Variants in EPB41L3 observed in about 807,000 individuals in gnomAD.
The protein encoded by EPB41L3 is band 4.1-like protein 3.
EPB41L3 carries 57 observed loss-of-function variants against 127.1 expected under a neutral mutation model. The ratio of observed to expected loss-of-function variants is 0.45; its 90% confidence interval spans 0.36 to 0.56. The LOEUF is 0.56. Among genes scored for constraint, EPB41L3 ranks in the 20% least tolerant of loss-of-function variants. EPB41L3 has a pLI of 0.00. For synonymous variants in EPB41L3, 572 were observed against 549.5 expected (o/e 1.04, Z -0.57); for missense variants, 1,273 against 1,372.2 (o/e 0.93, Z 1.14).
chr18:5,538,136 C>A (rs577972673), intron 1 of EPB41L3, among the ~76,000 whole-genome samples: 5 of 152,156 alleles, frequency 3.3e-5, no homozygotes. Flanking sequence ...AGTTATTCAA[C>A]GCATAAAGAA....
intron 3 of EPB41L3, among the ~76,000 whole-genome samples, chr18:5,566,118 A>G (rs1375887692): frequency 1.3e-5 from 2 of 152,308 alleles, no homozygotes; most frequent in Non-Finnish European, 2.9e-5. Context: ...TGGCCAGGAC[A>G]ATCAGGCAGG....
chr18:5,400,883 G>C, intron 16 of EPB41L3: 3 of 816,966 alleles, frequency 3.7e-6, no homozygotes, highest in Non-Finnish European at 5.8e-6. Flanking sequence ...AAATGTTAAA[G>C]GGAAAATAAA....
Position 5,543,616 on chromosome 18 carries a change from G to A in EPB41L3, c.-12+297C>T, listed in dbSNP as rs1233540288. On this transcript the variant is annotated intron_variant, in intron 1 of 22. Coordinates refer to ENST00000341928, the MANE Select transcript of EPB41L3 (RefSeq NM_012307.5). The surrounding 1 kb of genome is among the most constrained non-coding windows in gnomAD (Gnocchi z 5.2). ...ATCCCAGGGAGGCCCCCAGGCCGGA[G>A]GCCGGGGCTCAGGCTCTGCGCGCCG... 2.0e-5 allele frequency among the ~76,000 whole-genome samples: 3 copies of A among 147,296 alleles called. No homozygotes were observed. The highest frequency in any genetic ancestry group is 4.5e-5 in the Non-Finnish European group (3 of 66,112).
intron 3 of EPB41L3, chr18:5,577,349 C>T: frequency 2.2e-6 from 1 of 454,096 alleles, no homozygotes; most frequent in Non-Finnish European, 4.4e-6. Context: ...CTAAGAGAGA[C>T]TTTGAGCACA....
At chr18:5,567,577 G>C (rs2094223180) in intron 3 of EPB41L3, among the ~76,000 whole-genome samples, 1 of 151,406 alleles carries the variant, frequency 6.6e-6, no homozygotes, top group Admixed American at 6.6e-5. Flanking sequence ...GTGAGAAAGA[G>C]AAAGAGAAAA....
Position 5,478,356 on chromosome 18 carries a change from T to C in EPB41L3, c.266A>G (p.Gln89Arg). 6.2e-7 allele frequency: 1 copy of C among 1,614,202 alleles called. No homozygotes were observed. Among genetic ancestry groups the C allele is most frequent in the Non-Finnish European group, 8.5e-7 (1 of 1,180,016 alleles). The change falls in exon 3 of 23, where the codon CAG (glutamine) becomes CGG (arginine). Residue 89 changes from glutamine (Q) to arginine (R), a missense_variant. Physicochemically the swap from Gln to Arg is conservative, Grantham distance 43. Coordinates refer to ENST00000341928, the MANE Select transcript of EPB41L3 (RefSeq NM_012307.5). ...AGAGAGTTTACTGCTAGATGATTTC[T>C]GAGAAAGTTTATCGTCTTCTAATTG... ...YQQLEDDKLS[Q>R]KSSSSKLSRS...
chr18:5,497,749 A>G (rs545863106), intron 1 of EPB41L3, among the ~76,000 whole-genome samples: 3 of 152,204 alleles, frequency 2.0e-5, no homozygotes, highest in African/African-American at 7.2e-5. Flanking sequence ...TTTATAATGG[A>G]TATATTCCTG....
intron 1 of EPB41L3, among the ~76,000 whole-genome samples, chr18:5,616,488 C>T (rs1285278305): frequency 2.0e-5 from 3 of 152,010 alleles, no homozygotes; most frequent in Non-Finnish European, 1.5e-5. Flanking sequence ...CATATGCATA[C>T]ATATTATATA....
Position 5,560,987 on chromosome 18 carries a change from A to G in EPB41L3, c.-306+51353T>C, listed in dbSNP as rs868849817. ...TATTTATTTATTTATTTATTTATTT[A>G]TTTATTTTGAGATGGAGTCTCGCTC... On this transcript the variant is annotated intron_variant, in intron 3 of 21. Transcript: ENST00000545076. Among the ~76,000 whole-genome samples the G allele has an allele frequency of 6.6e-5, 7 of 105,612 alleles. 2 individuals are homozygous for G. The highest frequency in any genetic ancestry group is 1.1e-4 in the Non-Finnish European group (5 of 45,514). 69.3% of individuals were successfully genotyped at this position (105,612 alleles called of 152,430 possible). A position where few individuals can be genotyped will look rare whatever the true frequency, so the allele number is the denominator to read the frequency against.
At chr18:5,469,271 G>A (rs779574019) in intron 3 of EPB41L3, among the ~76,000 whole-genome samples, 10 of 152,198 alleles carry the variant, frequency 6.6e-5, no homozygotes, top group Non-Finnish European at 1.3e-4. Flanking sequence ...ATCCTCTTTG[G>A]GGGGTCTGTG....
chr18:5,476,711 C>T (rs754218283), intron 3 of EPB41L3, among the ~76,000 whole-genome samples: 1 of 152,164 alleles, frequency 6.6e-6, no homozygotes, highest in Non-Finnish European at 1.5e-5. Flanking sequence ...TGCATCTACA[C>T]TGAAGAAATA....
chr18:5,499,639 C>T (rs1218995411), intron 1 of EPB41L3, among the ~76,000 whole-genome samples: 2 of 151,704 alleles, frequency 1.3e-5, no homozygotes, highest in Non-Finnish European at 2.9e-5. Flanking sequence ...TGGTGGCGGG[C>T]GCCTGTAGTC....
At chr18:5,579,394 G>A (rs1599087449) in intron 3 of EPB41L3, among the ~76,000 whole-genome samples, 1 of 152,124 alleles carries the variant, frequency 6.6e-6, no homozygotes, top group Non-Finnish European at 1.5e-5. Context: ...TATTTAAGAT[G>A]TCTAATAGAT....
rs2073893921 is a variant in EPB41L3 at position 5,398,138 on chromosome 18, C to T, written c.2355G>A (p.Lys785=). ...MIEPLVPEET[K]QSSGEKLMDG... ...CCATGAGCTTTTCCCCAGAAGACTG[C>T]TTAGTCTGAGTGAACAAAGAGAGGC... Residue 785 remains lysine (K), a synonymous_variant, in exon 17 of 23, where the codon AAG becomes AAA. Coordinates refer to ENST00000341928, the MANE Select transcript of EPB41L3 (RefSeq NM_012307.5). The T allele has an allele frequency of 6.2e-7, 1 of 1,613,898 alleles. No individual in the cohort carries two copies. The highest frequency in any genetic ancestry group is 8.5e-7 in the Non-Finnish European group (1 of 1,180,016).
At chr18:5,498,594 C>CAAAA (rs397828412) in intron 1 of EPB41L3, among the ~76,000 whole-genome samples, 1 of 70,502 alleles carries the variant, frequency 1.4e-5, no homozygotes, top group Admixed American at 2.2e-4. Context: ...GACTCCATCT[C>CAAAA]AAAAAAAAAA....
Position 5,424,365 on chromosome 18 carries a change from T to TAA in EPB41L3, c.1066-8_1066-7dup. ...GTGCTTTCAAATTGTTCAAACTAAA[T>TAA]AAAAAAAAATACATTGAAGAGTAAA... On this transcript the variant is annotated splice_region_variant and splice_polypyrimidine_tract_variant and intron_variant, in intron 9 of 22. Coordinates refer to ENST00000341928, the MANE Select transcript of EPB41L3 (RefSeq NM_012307.5). The TAA allele has an allele frequency of 6.4e-7, 1 of 1,556,040 alleles. No individual in the cohort carries two copies. Among genetic ancestry groups the TAA allele is most frequent in the Non-Finnish European group, 8.7e-7 (1 of 1,150,388 alleles).
intron 3 of EPB41L3, among the ~76,000 whole-genome samples, chr18:5,561,284 A>T (rs1181578207): frequency 6.6e-6 from 1 of 152,120 alleles, no homozygotes; most frequent in African/African-American, 2.4e-5. Context: ...GCCAGTTGTA[A>T]TTAATTTTTT....
intron 22 of EPB41L3, 131 bp downstream of exon 22, chr18:5,394,546 T>C: frequency 1.5e-6 from 1 of 669,200 alleles, no homozygotes. Context: ...TTCTCCATCC[T>C]CTTGGTAACC....
chr18:5,538,024 A>C (rs1339402992), intron 1 of EPB41L3, among the ~76,000 whole-genome samples: 1 of 152,218 alleles, frequency 6.6e-6, no homozygotes, highest in African/African-American at 2.4e-5. Context: ...TGATTATAAG[A>C]GATAACATCA....
Sources: allele counts gnomAD v4.1 joint callset (sites outside exome capture counted in the v4.1 genomes callset), GRCh38; gene constraint gnomAD v4.1.1; non-coding constraint Gnocchi (gnomAD v3.1); transcripts MANE v1.5; gene names NCBI Gene and HGNC (gene_info 2026-07-23, HGNC 2026-07-21).